APOL6: variants seen among roughly 807,000 people sequenced by gnomAD.
APOL6 encodes apolipoprotein L6, also known as apolipoprotein L, 6.
Under a neutral mutation model 2.4 loss-of-function variants are expected in APOL6, and 1 was observed. The ratio of observed to expected loss-of-function variants is 0.41; its 90% CI spans 0.15 to 1.94. APOL6 has a LOEUF of 1.94. Among genes scored for constraint, APOL6 ranks in the 30% most tolerant of loss-of-function variants. APOL6 has a pLI of 0.30. For missense variants in APOL6, 438 were observed against 429.2 expected (o/e 1.02, Z -0.18); for synonymous variants, 189 against 169.3 (o/e 1.12, Z -0.90).
rs139754230 is a variant in APOL6 at position 35,658,764 on chromosome 22, T to C, written c.200T>C (p.Ile67Thr). The C allele has an allele frequency of 9.1e-5, 147 of 1,614,006 alleles. No homozygotes were observed. The highest frequency in any genetic ancestry group is 4.7e-5 in the Non-Finnish European group (56 of 1,180,030). The change falls in exon 3 of 3, where the codon ATT (isoleucine) becomes ACT (threonine). Residue 67 changes from isoleucine to threonine, a missense_variant. Ile to Thr is a moderately conservative substitution (Grantham distance 89). Transcript: ENST00000409652. Reference protein sequence around the residue: ...IDKLRALADDIDKTHKKFTKA... With the variant: ...IDKLRALADDTDKTHKKFTKA... ...AAGCTCCGTGCCCTCGCAGACGATA[T>C]TGACAAAACCCACAAGAAATTCACC...
rs1253757521 is a variant in APOL6 at position 35,667,420 on chromosome 22, C to G, written c.*7824C>G. ...CACTGGGCAAGTGTTCTGAAAACAT[C>G]TTATCTGAATAACAGCAGTCCTGGA... On this transcript the variant is annotated 3_prime_UTR_variant, in exon 3 of 3. Transcript: ENST00000409652. 1.3e-5 allele frequency: 2 copies of G among 152,160 alleles called. No homozygotes were observed. Among genetic ancestry groups the G allele is most frequent in the East Asian group, 1.9e-4 (1 of 5,200 alleles). 9.4% of individuals were successfully genotyped at this position (152,160 alleles called of 1,614,324 possible).
Position 35,658,911 on chromosome 22 carries a change from T to G in APOL6, c.347T>G (p.Leu116Trp). 1 of 1,614,004 alleles carries G rather than the reference T, an allele frequency of 6.2e-7. No homozygotes were observed. Among genetic ancestry groups the G allele is most frequent in the Non-Finnish European group, 8.5e-7 (1 of 1,180,022 alleles). Reference sequence around the variant, plus strand: ...CTGCTCTCCACCGCTGGTCAAGGTTTGGCAACAGCAGCTGGGGTCACCAGC... The same window carrying G: ...CTGCTCTCCACCGCTGGTCAAGGTTGGGCAACAGCAGCTGGGGTCACCAGC... Reference protein sequence around the residue: ...SLLLSTAGQGLATAAGVTSIV... With the variant: ...SLLLSTAGQGWATAAGVTSIV... Residue 116 changes from leucine (L) to tryptophan (W), a missense_variant, in exon 3 of 3, where the codon TTG becomes TGG. Coordinates refer to ENST00000409652, the MANE Select transcript of APOL6 (RefSeq NM_030641.4).
rs1262090205 is a variant in APOL6 at position 35,661,445 on chromosome 22, G to A, written c.*1849G>A. ...CGCATTCTGATAAATGTGTCATTAG[G>A]CAATTGCATTGTAGTGTGATTATCA... On this transcript the variant is annotated 3_prime_UTR_variant, in exon 3 of 3. Transcript: ENST00000409652. 1 of 151,652 alleles carries A rather than the reference G, an allele frequency of 6.6e-6. No homozygotes were observed. The highest frequency in any genetic ancestry group is 1.9e-4 in the East Asian group (1 of 5,192). 9.4% of individuals were successfully genotyped at this position (151,652 alleles called of 1,614,324 possible).
chr22:35,658,997 A>G lies in APOL6; in HGVS notation c.433A>G (p.Ile145Val). ...NKEAQARAED[I>V]LPTYDQEDRE... ...AGAAGCCCAAGCACGGGCGGAAGAC[A>G]TACTGCCCACCTACGACCAAGAGGA... is the stretch of plus-strand genomic sequence containing the variant. Residue 145 changes from isoleucine (I) to valine (V), a missense_variant, in exon 3 of 3, where the codon ATA (isoleucine) becomes GTA (valine). Physicochemically the swap from Ile to Val is conservative, Grantham distance 29 (BLOSUM62 3). Coordinates refer to ENST00000409652, the MANE Select transcript of APOL6 (RefSeq NM_030641.4). 6.2e-7 allele frequency: 1 copy of G among 1,613,920 alleles called. No individual in the cohort carries two copies. Among genetic ancestry groups the G allele is most frequent in the Non-Finnish European group, 8.5e-7 (1 of 1,180,030 alleles).
At position 35,668,127 on chromosome 22, in the gene APOL6, A is replaced by T. The variant is rs1437775300; in HGVS notation, c.*8531A>T. The T allele has an allele frequency of 1.3e-5, 2 of 152,206 alleles. No individual in the cohort carries two copies. The highest frequency in any genetic ancestry group is 4.8e-5 in the African/African-American group (2 of 41,450). 9.4% of individuals were successfully genotyped at this position (152,206 alleles called of 1,614,324 possible). A position where few individuals can be genotyped will look rare whatever the true frequency, so the allele number is the denominator to read the frequency against. On this transcript the variant is annotated 3_prime_UTR_variant, in exon 3 of 3. Coordinates refer to ENST00000409652, the MANE Select transcript of APOL6 (RefSeq NM_030641.4). ...CTCCACAACCTCTTACAACCCAGGC[A>T]TTCCTTTCTATCGATAATTACTCTT... is the stretch of plus-strand genomic sequence containing the variant.
At chr22:35,652,510 TA>T (rs1457122368) in intron 1 of APOL6, among the ~76,000 whole-genome samples, 1 of 152,168 alleles carries the variant, frequency 6.6e-6, no homozygotes, top group Non-Finnish European at 1.5e-5. Context: ...GGTTTTCTTC[TA>T]GGGTTTTTAT....
rs1490637701 is a variant in APOL6 at position 35,661,406 on chromosome 22, C to T, written c.*1810C>T. 2 of 148,610 alleles carry T rather than the reference C, an allele frequency of 1.3e-5. No homozygotes were observed. The highest frequency in any genetic ancestry group is 3.0e-5 in the Non-Finnish European group (2 of 67,260). The allele number at this position is 148,610 out of a possible 1,614,324, so 9.2% of individuals were successfully genotyped here. A position where few individuals can be genotyped will look rare whatever the true frequency, so the allele number is the denominator to read the frequency against. ...AGAAGAAGAATACAGTCATGTATCT[C>T]TTGGTGACAGGGACGCATTCTGATA... On this transcript the variant is annotated 3_prime_UTR_variant, in exon 3 of 3. Coordinates refer to ENST00000409652, the MANE Select transcript of APOL6 (RefSeq NM_030641.4).
At chr22:35,649,625 C>A (rs1924636129) in intron 1 of APOL6, among the ~76,000 whole-genome samples, 1 of 151,842 alleles carries the variant, frequency 6.6e-6, no homozygotes. Context: ...TTCCAATAAA[C>A]CTCTCACAAG....
At position 35,662,427 on chromosome 22, in the gene APOL6, C is replaced by T. The variant is rs541902780; in HGVS notation, c.*2831C>T. On this transcript the variant is annotated 3_prime_UTR_variant, in exon 3 of 3. Transcript: ENST00000409652. ...CACCTCCCACTCTATTCAAAGTTAT[C>T]TCTCTGCTCACTGAGATAGATACAT... is the stretch of plus-strand genomic sequence containing the variant. 6.6e-6 allele frequency: 1 copy of T among 152,274 alleles called. No homozygotes were observed. The highest frequency in any genetic ancestry group is 2.4e-5 in the African/African-American group (1 of 41,558). 9.4% of individuals were successfully genotyped at this position (152,274 alleles called of 1,614,324 possible).
At chr22:35,653,119 T>G (rs1382141401) in intron 1 of APOL6, among the ~76,000 whole-genome samples, 2 of 151,034 alleles carry the variant, frequency 1.3e-5, no homozygotes, top group Non-Finnish European at 3.0e-5. Flanking sequence ...TCACATCCCT[T>G]GTAAGTTGGA....
intron 2 of APOL6, among the ~76,000 whole-genome samples, chr22:35,657,901 G>A (rs1294676578): frequency 1.3e-5 from 2 of 152,194 alleles, no homozygotes; most frequent in Non-Finnish European, 2.9e-5. Flanking sequence ...ACTTCATCCT[G>A]TAAAATGTTG....
rs746570174 is a variant in APOL6 at position 35,667,291 on chromosome 22, G to C, written c.*7695G>C. On this transcript the variant is annotated 3_prime_UTR_variant, in exon 3 of 3. Transcript: ENST00000409652. ...ATGGCACAAATCCATGGCTGGGCAT[G>C]GCTTTAAGAAAGTCTTATCTGAGAT... 2.0e-5 allele frequency: 3 copies of C among 152,212 alleles called. No individual in the cohort carries two copies. Among genetic ancestry groups the C allele is most frequent in the Non-Finnish European group, 4.4e-5 (3 of 68,036 alleles). The allele number at this position is 152,212 out of a possible 1,614,324, so 9.4% of individuals were successfully genotyped here.
intron 1 of APOL6, among the ~76,000 whole-genome samples, chr22:35,649,139 A>G (rs545776156): frequency 6.6e-6 from 1 of 152,158 alleles, no homozygotes; most frequent in Non-Finnish European, 1.5e-5. Flanking sequence ...TTTGTGATAA[A>G]TATTAGGGCG....
Position 35,656,432 on chromosome 22 carries a change from A to T in APOL6, c.7A>T (p.Asn3Tyr), listed in dbSNP as rs369673517. The change falls in exon 2 of 3, where the codon AAC becomes TAC. Residue 3 changes from asparagine to tyrosine, a missense_variant. Asn to Tyr is a moderately radical substitution (Grantham distance 143, BLOSUM62 -2). Coordinates refer to ENST00000409652, the MANE Select transcript of APOL6 (RefSeq NM_030641.4). MD[N>Y]QAERESEAGV... Reference sequence around the variant, plus strand: ...TTTGCTGCCACAGAGGCTGATGGACAACCAGGCGGAGAGAGAAAGTGAGGC... The same window carrying T: ...TTTGCTGCCACAGAGGCTGATGGACTACCAGGCGGAGAGAGAAAGTGAGGC... 3.0e-5 allele frequency: 48 copies of T among 1,614,150 alleles called. No homozygotes were observed. Among genetic ancestry groups the T allele is most frequent in the South Asian group, 2.1e-4 (19 of 91,082 alleles).
At chr22:35,654,343 A>G (rs903487004) in intron 1 of APOL6, among the ~76,000 whole-genome samples, 2 of 152,148 alleles carry the variant, frequency 1.3e-5, no homozygotes, top group African/African-American at 4.8e-5. Flanking sequence ...TTGTTTCCCC[A>G]GACAAGCAGC....
rs796304405 is a variant in APOL6, at chr22:35,663,087, C to T, written c.*3491C>T. Reference sequence around the variant, plus strand: ...CTCAGAAATTGTATAATTTGTGTGACCATTGTTAGTTTTGCTTAACTGTTT... The same window carrying T: ...CTCAGAAATTGTATAATTTGTGTGATCATTGTTAGTTTTGCTTAACTGTTT... On this transcript the variant is annotated 3_prime_UTR_variant, in exon 3 of 3. Transcript: ENST00000409652. The T allele has an allele frequency of 1.3e-5, 2 of 152,124 alleles. No homozygotes were observed. The highest frequency in any genetic ancestry group is 3.9e-4 in the East Asian group (2 of 5,188). The allele number at this position is 152,124 out of a possible 1,614,324, so 9.4% of individuals were successfully genotyped here.
At position 35,662,898 on chromosome 22, in the gene APOL6, T is replaced by C. The variant is rs1925068987; in HGVS notation, c.*3302T>C. On this transcript the variant is annotated 3_prime_UTR_variant, in exon 3 of 3. Coordinates refer to ENST00000409652, the MANE Select transcript of APOL6 (RefSeq NM_030641.4). Reference sequence around the variant, plus strand: ...CTCCCTCCAGAAAATCCCTGATCTCTTAAAATTTGGTAGAGATCGGAAGTT... The same window carrying C: ...CTCCCTCCAGAAAATCCCTGATCTCCTAAAATTTGGTAGAGATCGGAAGTT... 2 of 152,346 alleles carry C rather than the reference T, an allele frequency of 1.3e-5. No individual in the cohort carries two copies. The highest frequency in any genetic ancestry group is 4.1e-4 in the South Asian group (2 of 4,826). 9.4% of individuals were successfully genotyped at this position (152,346 alleles called of 1,614,324 possible).
chr22:35,659,533 T>C lies in APOL6; in HGVS notation c.969T>C (p.His323=), dbSNP rs766013217. 1.6e-5 allele frequency: 26 copies of C among 1,613,820 alleles called. No individual in the cohort carries two copies. In the East Asian group the frequency reaches 5.1e-4, roughly 32 times the overall value. The change falls in exon 3 of 3, where the codon CAT becomes CAC. Residue 323 remains histidine (H), a synonymous_variant. Transcript: ENST00000409652. ...TEAYWKELRE[H]VWMWLWLCVC... The stretch of plus-strand genomic sequence containing the variant: ...CTTACTGGAAGGAGTTAAGGGAGCA[T>C]GTGTGGATGTGGCTGTGGCTGTGTG...
At chr22:35,652,623 A>T (rs555722941) in intron 1 of APOL6, among the ~76,000 whole-genome samples, 2 of 152,370 alleles carry the variant, frequency 1.3e-5, no homozygotes, top group East Asian at 3.9e-4. Context: ...GTGGCTAGCC[A>T]GTTTTCCCAG....
Sources: gnomAD v4.1 joint callset for allele counts (sites outside exome capture counted in the v4.1 genomes callset) on GRCh38, gnomAD v4.1.1 for gene constraint, MANE v1.5 for transcripts, NCBI Gene and HGNC (gene_info 2026-07-23, HGNC 2026-07-21) for gene names.